Variants in LHCGR observed in about 807,000 individuals in gnomAD.
LHCGR encodes the protein lutropin-choriogonadotropic hormone receptor.
Under a neutral mutation model 60.7 loss-of-function variants are expected in LHCGR, and 55 were observed. The observed-to-expected ratio is 0.91, with a 90% CI of 0.73 to 1.13. LHCGR has a LOEUF of 1.13. Among genes scored for constraint, LHCGR ranks in the 50% most tolerant of loss-of-function variants. The pLI, the probability that LHCGR is intolerant of heterozygous loss-of-function variation, is 0.00. For synonymous variants in LHCGR, 337 were observed against 316.5 expected, an observed-to-expected ratio of 1.06 and a Z score of -0.69; for missense variants, 862 against 836.0, an observed-to-expected ratio of 1.03 and a Z score of -0.38.
chr2:48,754,188 C>T (rs1670103793), intron 1 of LHCGR, among the ~76,000 whole-genome samples: 1 of 152,184 alleles, frequency 6.6e-6, no homozygotes, highest in Admixed American at 6.5e-5. Flanking sequence ...TTAATATAAA[C>T]CCCTCAACCC....
At chr2:48,743,545 A>C (rs1444946135) in intron 1 of LHCGR, among the ~76,000 whole-genome samples, 2 of 152,246 alleles carry the variant, frequency 1.3e-5, no homozygotes, top group East Asian at 3.8e-4. Context: ...CAACACATGC[A>C]AATCAATAAA....
chr2:48,710,333 C>T (rs542986091), intron 7 of LHCGR, among the ~76,000 whole-genome samples: 43 of 152,184 alleles, frequency 2.8e-4, no homozygotes, highest in South Asian at 8.3e-4. Context: ...TTCCTGATTC[C>T]GTTTGTTTTA....
At chr2:48,725,864 G>A (rs1668696024) in intron 3 of LHCGR, 114 bp from the exon 4 acceptor site, 3 of 858,320 alleles carry the variant, frequency 3.5e-6, no homozygotes, top group African/African-American at 1.7e-5. Flanking sequence ...AGCAAAAGCA[G>A]GCGACCTTCA....
chr2:48,698,302 T>C (rs1667226408), intron 9 of LHCGR, among the ~76,000 whole-genome samples: 1 of 152,224 alleles, frequency 6.6e-6, no homozygotes, highest in Non-Finnish European at 1.5e-5. Flanking sequence ...CTGATAAGGA[T>C]TAGAACAAAT....
intron 1 of LHCGR, chr2:48,733,072 C>A: frequency 2.2e-6 from 1 of 446,952 alleles, no homozygotes; most frequent in Admixed American, 2.7e-5. Flanking sequence ...CTCTGCACTG[C>A]CAAACCAATA....
intron 1 of LHCGR, among the ~76,000 whole-genome samples, chr2:48,731,569 A>G (rs1668991252): frequency 6.6e-6 from 1 of 152,162 alleles, no homozygotes; most frequent in Admixed American, 6.6e-5. Flanking sequence ...CTGTCCCACT[A>G]CTTGGCTATG....
intron 3 of LHCGR, among the ~76,000 whole-genome samples, chr2:48,728,102 T>TA (rs1251649760): frequency 1.5e-5 from 2 of 136,332 alleles, no homozygotes; most frequent in African/African-American, 5.6e-5. Flanking sequence ...TTTTTTTTTT[T>TA]AAACTCATCA....
intron 1 of LHCGR, among the ~76,000 whole-genome samples, chr2:48,743,865 A>C (rs1361183501): frequency 6.6e-6 from 1 of 151,994 alleles, no homozygotes; most frequent in Non-Finnish European, 1.5e-5. Flanking sequence ...AGGAGAAGGA[A>C]ATAAAGGGTA....
chr2:48,723,603 C>A lies in LHCGR; in HGVS notation c.458+19G>T, dbSNP rs1226185987. 2 of 1,608,418 alleles carry A rather than the reference C, an allele frequency of 1.2e-6. No individual in the cohort carries two copies. Among genetic ancestry groups the A allele is most frequent in the Non-Finnish European group, 1.7e-6 (2 of 1,174,802 alleles). ...GCAAATAGGAAACTGTTATGCATAG[C>A]AATCAGCCTGGTACTTACAGAATGA... On this transcript the variant is annotated intron_variant, in intron 5 of 10. Transcript: ENST00000294954.
intron 9 of LHCGR, among the ~76,000 whole-genome samples, chr2:48,698,074 T>C (rs908361672): frequency 1.3e-5 from 2 of 152,192 alleles, no homozygotes. Context: ...CACTACTGGA[T>C]GCAAACCATG....
chr2:48,707,551 C>T (rs565408608), intron 8 of LHCGR, among the ~76,000 whole-genome samples: 2 of 152,388 alleles, frequency 1.3e-5, no homozygotes, highest in African/African-American at 4.8e-5. Flanking sequence ...CTCTGTAATT[C>T]CCTGACTGTG....
intron 8 of LHCGR, among the ~76,000 whole-genome samples, chr2:48,707,367 G>C (rs999730748): frequency 5.9e-5 from 9 of 152,226 alleles, no homozygotes; most frequent in African/African-American, 2.2e-4. Flanking sequence ...CAAGCTACAT[G>C]GGGGTCAGGG....
intron 1 of LHCGR, among the ~76,000 whole-genome samples, chr2:48,750,822 C>G (rs968736302): frequency 6.6e-6 from 1 of 152,172 alleles, no homozygotes; most frequent in Non-Finnish European, 1.5e-5. Flanking sequence ...CTGCCCCCTC[C>G]GGGGGTCATT....
chr2:48,693,082 T>G (rs893308221), intron 10 of LHCGR, among the ~76,000 whole-genome samples: 2 of 152,170 alleles, frequency 1.3e-5, no homozygotes, highest in Non-Finnish European at 2.9e-5. Flanking sequence ...AAATGTTTTC[T>G]TGATGATAAG....
At chr2:48,754,395 G>C (rs1670112096) in intron 1 of LHCGR, among the ~76,000 whole-genome samples, 1 of 151,990 alleles carries the variant, frequency 6.6e-6, no homozygotes, top group African/African-American at 2.4e-5. Context: ...TAATTGTTAG[G>C]ACATGATCAA....
At chr2:48,714,155 A>G (rs1227477829) in intron 6 of LHCGR, 101 bp from the exon 7 acceptor site, 1 of 786,418 alleles carries the variant, frequency 1.3e-6, no homozygotes, top group Non-Finnish European at 2.2e-6. Context: ...AGGTTATTAC[A>G]GGCATTCATA....
At chr2:48,691,335 T>C (rs1412891841) in intron 10 of LHCGR, among the ~76,000 whole-genome samples, 2 of 152,154 alleles carry the variant, frequency 1.3e-5, no homozygotes, top group East Asian at 3.9e-4. Context: ...GTTAGAGTAT[T>C]GTGGAGCCCA....
intron 7 of LHCGR, among the ~76,000 whole-genome samples, chr2:48,712,076 T>G (rs528202896): frequency 3.3e-5 from 5 of 152,024 alleles, no homozygotes; most frequent in Non-Finnish European, 7.4e-5. Flanking sequence ...GTCCTCTGCT[T>G]GGAAGGCATT....
chr2:48,694,177 A>G (rs1411532194), intron 10 of LHCGR, 47 bp downstream of exon 10: 1 of 1,116,162 alleles, frequency 9.0e-7, no homozygotes, highest in Non-Finnish European at 1.3e-6. Context: ...TAAGGTGCAC[A>G]CAGAACAAGA....
Sources: allele counts gnomAD v4.1 joint callset (sites outside exome capture counted in the v4.1 genomes callset), GRCh38; gene constraint gnomAD v4.1.1; transcripts MANE v1.5; gene names NCBI Gene and HGNC (gene_info 2026-07-23, HGNC 2026-07-21).